The following PWWP3A variants were observed in gnomAD, a reference collection of about 807,000 sequenced individuals.
PWWP3A encodes the protein PWWP domain containing 3A, DNA repair factor, also known as PWWP domain-containing DNA repair factor 3A.
Under a neutral mutation model 79.0 loss-of-function variants are expected in PWWP3A, and 53 were observed. The ratio of observed to expected loss-of-function variants is 0.67; its 90% CI spans 0.54 to 0.84. The LOEUF is 0.84. PWWP3A is among the 40% of genes least tolerant of loss of function. The pLI, the probability that PWWP3A is intolerant of heterozygous loss-of-function variation, is 0.00. For missense variants in PWWP3A, 973 were observed against 948.0 expected (o/e 1.03, Z -0.35); for synonymous variants, 443 against 394.4 (o/e 1.12, Z -1.46).
Position 1,377,981 on chromosome 19 carries a change from C to G in PWWP3A, c.*1405C>G, listed in dbSNP as rs1487243299. 6.6e-6 allele frequency: 1 copy of G among 152,284 alleles called. No homozygotes were observed. Among genetic ancestry groups the G allele is most frequent in the Non-Finnish European group, 1.5e-5 (1 of 68,078 alleles). 9.4% of individuals were successfully genotyped at this position (152,284 alleles called of 1,614,324 possible). On this transcript the variant is annotated 3_prime_UTR_variant, in exon 14 of 14. Coordinates refer to ENST00000591337, the MANE Select transcript of PWWP3A (RefSeq NM_001369789.1). The stretch of plus-strand genomic sequence containing the variant: ...GCCAGAGGCGGCGGCTGCTCTGGAC[C>G]TCGGTGTTCACTGACCTTTGTTTCA...
intron 13 of PWWP3A, among the ~76,000 whole-genome samples, chr19:1,376,275 G>A (rs12981426): frequency 1.5e-5 from 2 of 135,954 alleles, no homozygotes; most frequent in African/African-American, 5.4e-5. Flanking sequence ...ACAGACATGC[G>A]CCACCACGCC....
chr19:1,371,495 C>T (rs1478883416), intron 12 of PWWP3A: 10 of 669,796 alleles, frequency 1.5e-5, no homozygotes, highest in South Asian at 3.2e-5. Context: ...GTGGATAATG[C>T]GCCTCATACT....
At chr19:1,355,639 C>T (rs1357584703) in intron 1 of PWWP3A, among the ~76,000 whole-genome samples, 1 of 149,772 alleles carries the variant, frequency 6.7e-6, no homozygotes, top group Non-Finnish European at 1.5e-5. Flanking sequence ...GCAACCCTTC[C>T]TCCGCCATGA....
In PWWP3A at chr19:1,364,595, T is replaced by C; in HGVS notation, c.1284+16T>C. ...GCCAGCAGTGGTAAGAACAGCTTCC[T>C]CCGTCTTCTCAGATGTAGTTACTTA... On this transcript the variant is annotated intron_variant, in intron 7 of 13. Transcript: ENST00000591337. 1.3e-6 allele frequency: 2 copies of C among 1,566,624 alleles called. No homozygotes were observed. Among genetic ancestry groups the C allele is most frequent in the Non-Finnish European group, 1.7e-6 (2 of 1,153,866 alleles).
At chr19:1,356,087 T>A (rs966049854) in intron 1 of PWWP3A, among the ~76,000 whole-genome samples, 1 of 152,198 alleles carries the variant, frequency 6.6e-6, no homozygotes, top group African/African-American at 2.4e-5. Context: ...ATAGAACCTT[T>A]GGGAGGGACT....
chr19:1,356,688 CATGTAAGGCTGTAACTCAAG>C (rs1200997199), intron 2 of PWWP3A, among the ~76,000 whole-genome samples: 1 of 149,444 alleles, frequency 6.7e-6, no homozygotes, highest in African/African-American at 2.5e-5. Context: ...TGTAAAAAGG[CATGTAAGGCTGTAACTCAAG>C]GAAAGATCTG....
At chr19:1,365,677 C>T (rs542122508) in intron 7 of PWWP3A, among the ~76,000 whole-genome samples, 7 of 152,368 alleles carry the variant, frequency 4.6e-5, no homozygotes, top group East Asian at 1.9e-4. Context: ...TTTCCTCTCC[C>T]GCACCTTGGT....
At chr19:1,357,395 T>G (rs1184906475) in intron 3 of PWWP3A, 1 of 137,002 alleles carries the variant, frequency 7.3e-6, no homozygotes, top group Non-Finnish European at 1.4e-5. Flanking sequence ...AATAGGGATA[T>G]TTCCTTTTTT....
chr19:1,370,784 G>A lies in PWWP3A; in HGVS notation c.1692G>A (p.Ser564=), dbSNP rs1226651880. 2.7e-5 allele frequency: 42 copies of A among 1,544,774 alleles called. No homozygotes were observed. Among genetic ancestry groups the A allele is most frequent in the African/African-American group, 4.1e-5 (3 of 73,234 alleles). ...QPCRKMLPDR[S]RAARDRANQK... ...GCCGGAAAATGCTCCCCGACCGCTCGCGGGCCGCCCGGGACCGGGCCAACC... is the reference window on the plus strand; with the variant it reads ...GCCGGAAAATGCTCCCCGACCGCTCACGGGCCGCCCGGGACCGGGCCAACC... Residue 564 remains serine, a synonymous_variant, in exon 12 of 14, where the codon TCG becomes TCA. Transcript: ENST00000591337.
At position 1,369,143 on chromosome 19, in the gene PWWP3A, G is replaced by A; in HGVS notation, c.1423-122G>A. On this transcript the variant is annotated intron_variant, in intron 9 of 13. Coordinates refer to ENST00000591337, the MANE Select transcript of PWWP3A (RefSeq NM_001369789.1). This position sits in a 1 kb window ranked among gnomAD's most constrained non-coding sequence, Gnocchi z 4.0. ...GCCCCCTTTGTCAGGGAGGGTCAGA[G>A]GTGCGGGCTGGAGCGTGAGCAGCCT... The A allele has an allele frequency of 2.5e-6, 2 of 806,994 alleles. No homozygotes were observed. The highest frequency in any genetic ancestry group is 4.1e-6 in the Non-Finnish European group (2 of 482,956). 50.0% of individuals were successfully genotyped at this position (806,994 alleles called of 1,614,324 possible). A position where few individuals can be genotyped will look rare whatever the true frequency, so the allele number is the denominator to read the frequency against.
chr19:1,360,912 C>A lies in PWWP3A; in HGVS notation c.991C>A (p.Pro331Thr). The A allele has an allele frequency of 6.5e-7, 1 of 1,539,574 alleles. No individual in the cohort carries two copies. The highest frequency in any genetic ancestry group is 8.8e-7 in the Non-Finnish European group (1 of 1,142,060). The change falls in exon 5 of 14, where the codon CCA (proline) becomes ACA (threonine). Residue 331 changes from proline to threonine, a missense_variant. Physicochemically the swap from Pro to Thr is conservative, Grantham distance 38. Transcript: ENST00000591337. The surrounding 1 kb of genome is among the most constrained non-coding windows in gnomAD (Gnocchi z 4.4). The part of the protein sequence containing the change: ...AGAAPSPGPG[P>T]GPRESVTPRS... Reference sequence around the variant, plus strand: ...GGCCGCACCATCCCCCGGGCCGGGGCCAGGGCCCAGAGAGTCTGTGACCCC... The same window carrying A: ...GGCCGCACCATCCCCCGGGCCGGGGACAGGGCCCAGAGAGTCTGTGACCCC...
At position 1,361,328 on chromosome 19, in the gene PWWP3A, A is replaced by G. The variant is rs375266043; in HGVS notation, c.1111+296A>G. On this transcript the variant is annotated intron_variant, in intron 5 of 13. Coordinates refer to ENST00000591337, the MANE Select transcript of PWWP3A (RefSeq NM_001369789.1). ...GATTGTCTGCGGCGCGGCTGGGAGC[A>G]TTGTGGCTGTGCTGAGGCCGCAGCT... is the stretch of plus-strand genomic sequence containing the variant. Among the ~76,000 whole-genome samples, 31 of 152,338 alleles carry G rather than the reference A, an allele frequency of 2.0e-4. No homozygotes were observed. In the East Asian group the frequency reaches 3.3e-3, roughly 16 times the overall value.
At chr19:1,361,466 A>G (rs2082013898) in intron 5 of PWWP3A, among the ~76,000 whole-genome samples, 1 of 152,236 alleles carries the variant, frequency 6.6e-6, no homozygotes, top group African/African-American at 2.4e-5. Flanking sequence ...CTTTTTAAAG[A>G]ATTCCTGTGC....
rs1328652914 is a variant in PWWP3A, at chr19:1,362,696, G to A, written c.1213+345G>A. Among the ~76,000 whole-genome samples the A allele has an allele frequency of 2.6e-5, 4 of 152,230 alleles. No individual in the cohort carries two copies. The East Asian group carries it at 7.7e-4, about 29-fold the overall frequency. ...CCGAGGGGCTGCGTCGCCATTGCTC[G>A]GGTGTGGCCACGTACTGTCTCGCGG... On this transcript the variant is annotated intron_variant, in intron 6 of 13. Transcript: ENST00000591337.
Position 1,369,738 on chromosome 19 carries a change from T to G in PWWP3A, c.1549+92T>G, listed in dbSNP as rs905489389. ...ATGTCTGAAGCTGTGGAAGGGGACG[T>G]TGGGGTCAAGGCACTGTCCGCAGCC... On this transcript the variant is annotated intron_variant, in intron 11 of 13. Transcript: ENST00000591337. This position sits in a 1 kb window ranked among gnomAD's most constrained non-coding sequence, Gnocchi z 4.0. 1.4e-6 allele frequency: 2 copies of G among 1,419,686 alleles called. No individual in the cohort carries two copies. The highest frequency in any genetic ancestry group is 2.0e-6 in the Non-Finnish European group (2 of 1,003,104). 87.9% of individuals were successfully genotyped at this position (1,419,686 alleles called of 1,614,324 possible).
intron 13 of PWWP3A, among the ~76,000 whole-genome samples, chr19:1,374,597 C>T (rs959045143): frequency 2.6e-5 from 4 of 152,148 alleles, no homozygotes; most frequent in African/African-American, 7.2e-5. Context: ...TCTGCTGGGG[C>T]GCACATCAGA....
chr19:1,363,754 G>A (rs952163748), intron 6 of PWWP3A, among the ~76,000 whole-genome samples: 2 of 152,188 alleles, frequency 1.3e-5, no homozygotes, highest in Non-Finnish European at 2.9e-5. Flanking sequence ...CTGGGGAAAC[G>A]ACGCTGTGCC....
At position 1,368,132 on chromosome 19, in the gene PWWP3A, C is replaced by A. The variant is rs1265996207; in HGVS notation, c.1422+912C>A. On this transcript the variant is annotated intron_variant, in intron 9 of 13. Coordinates refer to ENST00000591337, the MANE Select transcript of PWWP3A (RefSeq NM_001369789.1). This position sits in a 1 kb window ranked among gnomAD's most constrained non-coding sequence, Gnocchi z 4.7. ...TAGAGACGGGGTTTCATCATATTGGCCAGGTTGGTCTCGAACTCCTGACCT... is the reference window on the plus strand; with the variant it reads ...TAGAGACGGGGTTTCATCATATTGGACAGGTTGGTCTCGAACTCCTGACCT... Among the ~76,000 whole-genome samples the A allele has an allele frequency of 1.3e-5, 2 of 152,194 alleles. No individual in the cohort carries two copies. The highest frequency in any genetic ancestry group is 3.9e-4 in the East Asian group (2 of 5,180).
chr19:1,358,372 A>G (rs1568926868), intron 3 of PWWP3A, 22 bp from the exon 4 acceptor site: 2 of 1,608,564 alleles, frequency 1.2e-6, no homozygotes, highest in Non-Finnish European at 1.7e-6. Flanking sequence ...GGTGGTGTGT[A>G]ACGTCGATTT....
Sources: allele counts gnomAD v4.1 joint callset (sites outside exome capture counted in the v4.1 genomes callset), GRCh38; gene constraint gnomAD v4.1.1; non-coding constraint Gnocchi (gnomAD v3.1); transcripts MANE v1.5; gene names NCBI Gene and HGNC (gene_info 2026-07-23, HGNC 2026-07-21).